Variants in AGBL4 observed in about 807,000 individuals in gnomAD.
AGBL4 encodes cytosolic carboxypeptidase 6.
AGBL4 carries 58 observed loss-of-function variants against 66.4 expected under a neutral mutation model. The observed-to-expected ratio is 0.87, with a 90% confidence interval of 0.71 to 1.09. The LOEUF (loss-of-function observed/expected upper bound fraction) is 1.09, where lower values mean the gene tolerates loss of function less well. Ranked by LOEUF, AGBL4 falls within the 50% of genes least tolerant of loss-of-function variation. AGBL4 has a pLI of 0.00. For missense variants in AGBL4, 579 were observed against 631.0 expected, an observed-to-expected ratio of 0.92 and a Z score of 0.88; for synonymous variants, 234 against 222.9, an observed-to-expected ratio of 1.05 and a Z score of -0.44.
intron 2 of AGBL4, chr1:49,846,018 G>A: frequency 2.5e-6 from 4 of 1,594,814 alleles, no homozygotes; most frequent in Non-Finnish European, 3.4e-6. Flanking sequence ...AACCAGTGTG[G>A]CAGAGCCTTC....
At chr1:48,569,946 T>G (rs986787427) in intron 11 of AGBL4, among the ~76,000 whole-genome samples, 3 of 152,208 alleles carry the variant, frequency 2.0e-5, no homozygotes, top group Non-Finnish European at 2.9e-5. Context: ...AAATTGTACT[T>G]CAAATCTGGC....
chr1:49,973,240 C>T (rs1658282092), intron 1 of AGBL4, among the ~76,000 whole-genome samples: 1 of 152,204 alleles, frequency 6.6e-6, no homozygotes, highest in South Asian at 2.1e-4. Flanking sequence ...ACCACCTGCA[C>T]AACCATAAAC....
chr1:49,091,798 G>C (rs775943660), intron 4 of AGBL4, among the ~76,000 whole-genome samples: 1 of 152,106 alleles, frequency 6.6e-6, no homozygotes, highest in Non-Finnish European at 1.5e-5. Flanking sequence ...ATCAATAGTA[G>C]AGTGGATAAA....
chr1:49,844,465 C>A (rs889624785), intron 2 of AGBL4, among the ~76,000 whole-genome samples: 3 of 152,020 alleles, frequency 2.0e-5, no homozygotes, highest in Non-Finnish European at 4.4e-5. Flanking sequence ...TTATTCTGTT[C>A]TTTCCTCTTC....
intron 4 of AGBL4, among the ~76,000 whole-genome samples, chr1:49,125,894 AG>A (rs2148055668): frequency 6.6e-6 from 1 of 152,288 alleles, no homozygotes; most frequent in South Asian, 2.1e-4. Context: ...CAGTCTATAG[AG>A]GGATAATTGT....
chr1:48,928,667 C>T (rs958258061), intron 5 of AGBL4, among the ~76,000 whole-genome samples: 1 of 152,056 alleles, frequency 6.6e-6, no homozygotes, highest in East Asian at 1.9e-4. Flanking sequence ...CTTGGTCAAA[C>T]CACTCAACCT....
chr1:48,734,655 G>T (rs564764767), intron 6 of AGBL4, among the ~76,000 whole-genome samples: 1 of 152,148 alleles, frequency 6.6e-6, no homozygotes, highest in East Asian at 1.9e-4. Flanking sequence ...TATTCTGCCT[G>T]ATTTGCCACC....
chr1:48,676,254 G>T (rs1034716666), intron 6 of AGBL4, among the ~76,000 whole-genome samples: 1 of 152,266 alleles, frequency 6.6e-6, no homozygotes, highest in African/African-American at 2.4e-5. Flanking sequence ...TTCTGGCAGA[G>T]CCATTCATTT....
chr1:49,292,422 G>T (rs1644557901), intron 3 of AGBL4, among the ~76,000 whole-genome samples: 1 of 152,308 alleles, frequency 6.6e-6, no homozygotes, highest in East Asian at 1.9e-4. Flanking sequence ...TGCCAGTCCT[G>T]CTGACTAGAG....
intron 2 of AGBL4, among the ~76,000 whole-genome samples, chr1:49,761,759 C>A (rs555492133): frequency 6.6e-6 from 1 of 152,248 alleles, no homozygotes; most frequent in Non-Finnish European, 1.5e-5. Context: ...TTACTGTTAA[C>A]CATCATCACC....
chr1:48,689,403 ACCTTCCTT>A (rs752041153), intron 6 of AGBL4, among the ~76,000 whole-genome samples: 6 of 143,406 alleles, frequency 4.2e-5, no homozygotes, highest in African/African-American at 1.6e-4. Flanking sequence ...CTACCTACCT[ACCTTCCTT>A]CCTTCCTTCC....
At chr1:48,844,153 C>A (rs970511340) in intron 6 of AGBL4, among the ~76,000 whole-genome samples, 20 of 152,174 alleles carry the variant, frequency 1.3e-4, no homozygotes, top group African/African-American at 4.3e-4. Context: ...CTCCAGCCTC[C>A]TGGGCCCTAG....
chr1:48,877,876 A>C (rs1649375313), intron 5 of AGBL4, among the ~76,000 whole-genome samples: 1 of 152,134 alleles, frequency 6.6e-6, no homozygotes, highest in African/African-American at 2.4e-5. Flanking sequence ...CAGAGCAAAA[A>C]ACAGACAACT....
intron 2 of AGBL4, among the ~76,000 whole-genome samples, chr1:49,705,549 T>C (rs989771414): frequency 1.3e-5 from 2 of 152,234 alleles, no homozygotes; most frequent in Non-Finnish European, 2.9e-5. Flanking sequence ...TCTTGCCTGA[T>C]AGCCCTAGCC....
chr1:48,688,143 G>A (rs1290838845), intron 6 of AGBL4, among the ~76,000 whole-genome samples: 1 of 152,158 alleles, frequency 6.6e-6, no homozygotes, highest in Non-Finnish European at 1.5e-5. Context: ...GAGAGAAGGA[G>A]GGAGGAAGAG....
intron 6 of AGBL4, among the ~76,000 whole-genome samples, chr1:48,698,819 T>A (rs915843896): frequency 6.6e-6 from 1 of 152,160 alleles, no homozygotes; most frequent in Non-Finnish European, 1.5e-5. Flanking sequence ...ATTTTATAGA[T>A]GAGAATGCTA....
intron 3 of AGBL4, among the ~76,000 whole-genome samples, chr1:49,282,239 T>TGAA (rs1644289485): frequency 6.6e-6 from 1 of 152,206 alleles, no homozygotes. Context: ...TTTTTGTATG[T>TGAA]CTTACAGGAA....
intron 3 of AGBL4, among the ~76,000 whole-genome samples, chr1:49,489,513 T>G (rs1235153143): frequency 6.6e-6 from 1 of 151,958 alleles, no homozygotes; most frequent in Non-Finnish European, 1.5e-5. Context: ...TTGTTTCTTT[T>G]GCTGTGCAGA....
intron 4 of AGBL4, among the ~76,000 whole-genome samples, chr1:49,066,282 G>A (rs1030102076): frequency 6.6e-6 from 1 of 152,158 alleles, no homozygotes; most frequent in Non-Finnish European, 1.5e-5. Context: ...GGCTGGGCAC[G>A]GTGGCTCATG....
Sources: allele counts gnomAD v4.1 joint callset (sites outside exome capture counted in the v4.1 genomes callset), GRCh38; gene constraint gnomAD v4.1.1; transcripts MANE v1.5; gene names NCBI Gene and HGNC (gene_info 2026-07-23, HGNC 2026-07-21).